The following NPAS3 variants were observed in gnomAD, a reference collection of about 807,000 sequenced individuals.
NPAS3 encodes the protein neuronal PAS domain protein 3, also known as neuronal PAS domain-containing protein 3.
A neutral mutation model predicts 73.1 loss-of-function variants in NPAS3; 14 were observed. That is an observed-to-expected ratio of 0.19 (90% CI 0.13 to 0.30). NPAS3 has a LOEUF of 0.30. Ranked by LOEUF, NPAS3 falls within the 10% of genes least tolerant of loss-of-function variation. The pLI is 1.00. For synonymous variants in NPAS3, 620 were observed against 541.5 expected, an observed-to-expected ratio of 1.14 and a Z score of -2.01; for missense variants, 1,096 against 1,250.0, an observed-to-expected ratio of 0.88 and a Z score of 1.86.
chr14:32,955,067 A>C (rs995978935), intron 1 of NPAS3, among the ~76,000 whole-genome samples: 1 of 152,078 alleles, frequency 6.6e-6, no homozygotes, highest in Non-Finnish European at 1.5e-5. Flanking sequence ...ACACTTTTGT[A>C]TGTACCATAA....
chr14:33,419,357 C>G lies in NPAS3; in HGVS notation c.468+52089C>G, dbSNP rs184439348. ...TCAACGCATTTTTTTCATTGTATAC[C>G]TATAAATTATGTATATTTTATATAG... On this transcript the variant is annotated intron_variant, in intron 4 of 11. Transcript: ENST00000356141. Among the ~76,000 whole-genome samples the G allele has an allele frequency of 1.6e-3, 241 of 151,650 alleles. 2 individuals are homozygous for G. Among genetic ancestry groups the G allele is most frequent in the Non-Finnish European group, 1.5e-3 (100 of 67,812 alleles).
intron 3 of NPAS3, among the ~76,000 whole-genome samples, chr14:33,270,734 C>T (rs1566743777): frequency 6.6e-6 from 1 of 152,146 alleles, no homozygotes; most frequent in East Asian, 1.9e-4. Context: ...AACTTTGTGG[C>T]TTTAGCCTGT....
intron 4 of NPAS3, among the ~76,000 whole-genome samples, chr14:33,405,936 A>G (rs770699188): frequency 3.3e-5 from 5 of 152,078 alleles, no homozygotes; most frequent in Non-Finnish European, 5.9e-5. Context: ...TTTGTTTTGT[A>G]TTAGCTTATG....
intron 1 of NPAS3, among the ~76,000 whole-genome samples, chr14:33,010,074 G>A (rs767859334): frequency 3.9e-5 from 6 of 152,184 alleles, no homozygotes; most frequent in Non-Finnish European, 1.5e-5. Context: ...CAGGCAAACA[G>A]TAGACATTCA....
At chr14:33,701,684 C>T (rs1204512407) in intron 6 of NPAS3, among the ~76,000 whole-genome samples, 1 of 152,192 alleles carries the variant, frequency 6.6e-6, no homozygotes, top group African/African-American at 2.4e-5. Flanking sequence ...AATTTCTACA[C>T]AGGAGTATTT....
At chr14:33,738,714 C>T (rs1469921976) in intron 7 of NPAS3, among the ~76,000 whole-genome samples, 1 of 152,136 alleles carries the variant, frequency 6.6e-6, no homozygotes, top group Non-Finnish European at 1.5e-5. Context: ...CTTTGAAATC[C>T]ACAGTAGCAT....
intron 5 of NPAS3, among the ~76,000 whole-genome samples, chr14:33,605,275 C>T (rs144097063): frequency 2.0e-5 from 3 of 151,670 alleles, no homozygotes; most frequent in Admixed American, 6.6e-5. Flanking sequence ...AATGCCCTTC[C>T]GCCATCAGTA....
At chr14:33,609,968 T>C (rs1004609928) in intron 5 of NPAS3, among the ~76,000 whole-genome samples, 10 of 152,174 alleles carry the variant, frequency 6.6e-5, no homozygotes, top group African/African-American at 1.9e-4. Flanking sequence ...AATGTAGTGT[T>C]ACCTAAAGAG....
chr14:33,650,209 TTAG>T (rs1384825043), intron 5 of NPAS3, among the ~76,000 whole-genome samples: 1 of 152,160 alleles, frequency 6.6e-6, no homozygotes, highest in Admixed American at 6.5e-5. Context: ...CAGCAACTTA[TTAG>T]AAGAGAACAG....
chr14:33,219,581 A>G (rs1006701858), intron 3 of NPAS3, among the ~76,000 whole-genome samples: 2 of 152,250 alleles, frequency 1.3e-5, no homozygotes, highest in African/African-American at 4.8e-5. Flanking sequence ...CTATTTCCAT[A>G]GAATTTCCCT....
chr14:33,552,884 G>A (rs374481201), intron 4 of NPAS3, among the ~76,000 whole-genome samples: 3 of 152,146 alleles, frequency 2.0e-5, no homozygotes, highest in East Asian at 1.9e-4. Context: ...TAAGGAATGA[G>A]CCCTTAGATT....
chr14:33,169,694 T>C (rs2045313755), intron 2 of NPAS3, among the ~76,000 whole-genome samples: 1 of 152,226 alleles, frequency 6.6e-6, no homozygotes, highest in South Asian at 2.1e-4. Context: ...ATTGAGGGGA[T>C]TGTAAATAAG....
intron 4 of NPAS3, among the ~76,000 whole-genome samples, chr14:33,498,126 T>C (rs772953728): frequency 7.2e-5 from 11 of 152,148 alleles, no homozygotes; most frequent in Non-Finnish European, 1.2e-4. Context: ...GAAATGCAAG[T>C]CAAAACTGCT....
intron 2 of NPAS3, among the ~76,000 whole-genome samples, chr14:33,094,656 A>G (rs917995399): frequency 2.0e-5 from 3 of 151,944 alleles, no homozygotes; most frequent in Non-Finnish European, 4.4e-5. Context: ...CGTAGAGATG[A>G]GGCTTCACCT....
chr14:33,433,044 T>C (rs1169182857), intron 4 of NPAS3, among the ~76,000 whole-genome samples: 1 of 152,160 alleles, frequency 6.6e-6, no homozygotes, highest in Admixed American at 6.5e-5. Flanking sequence ...TGCAAAGGGA[T>C]TTTTAATGTT....
chr14:33,093,496 C>T (rs1044323331), intron 2 of NPAS3, among the ~76,000 whole-genome samples: 14 of 152,190 alleles, frequency 9.2e-5, no homozygotes, highest in East Asian at 1.9e-4. Context: ...TGTGGAGAAA[C>T]GGGAACACTT....
intron 2 of NPAS3, among the ~76,000 whole-genome samples, chr14:33,164,807 C>T (rs1029698775): frequency 6.6e-6 from 1 of 151,760 alleles, no homozygotes. Flanking sequence ...TCTCAGAACC[C>T]CATTGCTTCT....
chr14:33,307,525 G>A (rs947830974), intron 3 of NPAS3, among the ~76,000 whole-genome samples: 1 of 151,264 alleles, frequency 6.6e-6, no homozygotes, highest in Non-Finnish European at 1.5e-5. Flanking sequence ...ATATAATTGT[G>A]ATCATGATTT....
At chr14:33,055,994 A>C (rs1453168020) in exon 2 of NPAS3, 1 of 809,602 alleles carries the variant, frequency 1.2e-6, no homozygotes, top group African/African-American at 1.7e-5. Flanking sequence ...ACCTACCAGA[A>C]GTATGTTGAA....
Sources: gnomAD v4.1 joint callset for allele counts (sites outside exome capture counted in the v4.1 genomes callset) on GRCh38, gnomAD v4.1.1 for gene constraint, MANE v1.5 for transcripts, NCBI Gene and HGNC (gene_info 2026-07-23, HGNC 2026-07-21) for gene names.